MIER2: variants seen among roughly 807,000 people sequenced by gnomAD.
The protein encoded by MIER2 is mesoderm induction early response protein 2.
In MIER2, 30 loss-of-function variants were observed where a neutral mutation model predicts 67.6. The observed-to-expected ratio is 0.44, with a 90% CI of 0.33 to 0.60. MIER2 has a LOEUF of 0.60. MIER2 is among the 20% of genes least tolerant of loss of function. The pLI, the probability that MIER2 is intolerant of heterozygous loss-of-function variation, is 0.02. For synonymous variants in MIER2, 372 were observed against 312.6 expected (o/e 1.19, Z -2.00); for missense variants, 702 against 745.1 (o/e 0.94, Z 0.67).
intron 1 of MIER2, 196 bp downstream of exon 1, chr19:344,578 G>A: frequency 8.0e-6 from 1 of 125,498 alleles, no homozygotes; most frequent in Non-Finnish European, 8.7e-6. Flanking sequence ...GAGTTGGGGG[G>A]TGGGGGCCGG....
intron 3 of MIER2, among the ~76,000 whole-genome samples, chr19:331,396 A>G (rs1452703515): frequency 6.6e-6 from 1 of 151,036 alleles, no homozygotes; most frequent in Non-Finnish European, 1.5e-5. Context: ...GGTCAGGTAC[A>G]GTGGCTCACA....
chr19:320,820 C>T (rs771554987), intron 7 of MIER2, among the ~76,000 whole-genome samples: 2 of 152,390 alleles, frequency 1.3e-5, no homozygotes, highest in Non-Finnish European at 2.9e-5. Context: ...CTCACTGGAT[C>T]TGCCTTGTGG....
At chr19:320,981 C>T (rs938930229) in intron 7 of MIER2, among the ~76,000 whole-genome samples, 1 of 152,172 alleles carries the variant, frequency 6.6e-6, no homozygotes, top group African/African-American at 2.4e-5. Flanking sequence ...CACTTTAATC[C>T]GTCAAGTAGC....
chr19:308,474 TG>T lies in MIER2; in HGVS notation c.1198+102del. On this transcript the variant is annotated intron_variant, in intron 12 of 13. Coordinates refer to ENST00000264819, the MANE Select transcript of MIER2 (RefSeq NM_017550.3). This position sits in a 1 kb window ranked among gnomAD's most constrained non-coding sequence, Gnocchi z 9.1. Reference sequence around the variant, plus strand: ...AGACGCCCACTCCTCCTGGCGAGGCTGGCCCAGCACAGGGCGCCAGGCAGGA... The same window carrying T: ...AGACGCCCACTCCTCCTGGCGAGGCTGCCCAGCACAGGGCGCCAGGCAGGA... The T allele has an allele frequency of 1.6e-6, 2 of 1,255,894 alleles. No homozygotes were observed. Among genetic ancestry groups the T allele is most frequent in the African/African-American group, 3.0e-5 (2 of 66,748 alleles). The allele number at this position is 1,255,894 out of a possible 1,614,324, so 77.8% of individuals were successfully genotyped here.
At chr19:315,375 A>G (rs181791371) in intron 7 of MIER2, among the ~76,000 whole-genome samples, 65 of 151,954 alleles carry the variant, frequency 4.3e-4, no homozygotes, top group African/African-American at 1.5e-3. Flanking sequence ...CAAACAAACA[A>G]ACAAAACAAG....
intron 7 of MIER2, among the ~76,000 whole-genome samples, chr19:323,110 G>A (rs1315309825): frequency 3.3e-5 from 5 of 149,264 alleles, no homozygotes; most frequent in African/African-American, 5.0e-5. Flanking sequence ...CAGACGACTC[G>A]AATGACACAG....
chr19:317,969 C>T (rs943727706), intron 7 of MIER2, among the ~76,000 whole-genome samples: 17 of 152,176 alleles, frequency 1.1e-4, no homozygotes, highest in African/African-American at 4.1e-4. Context: ...ATTGGGAGGC[C>T]GAAGTGGGCA....
At chr19:326,154 C>T (rs1465878534) in intron 6 of MIER2, among the ~76,000 whole-genome samples, 1 of 152,168 alleles carries the variant, frequency 6.6e-6, no homozygotes, top group Admixed American at 6.5e-5. Context: ...GGAGGGATGC[C>T]AGGTTGGGGA....
At position 327,932 on chromosome 19, in the gene MIER2, G is replaced by A; in HGVS notation, c.301C>T (p.Pro101Ser). ...LALYGYEASDPISDRESEGGD... is the reference protein window; with the variant it reads ...LALYGYEASDSISDRESEGGD... ...CCCTCACTCTCCCGGTCTGAAATGG[G>A]GTCTGACGCCTCGTAGCCATAGAGC... The change falls in exon 4 of 14, where the codon CCC (proline) becomes TCC (serine). Residue 101 changes from proline to serine, a missense_variant. Physicochemically the swap from Pro to Ser is moderately conservative, Grantham distance 74. This residue lies in a region of MIER2 where 320 missense variants were observed against 292.6 expected (regional missense o/e 1.09). Coordinates refer to ENST00000264819, the MANE Select transcript of MIER2 (RefSeq NM_017550.3). 1 of 1,612,960 alleles carries A rather than the reference G, an allele frequency of 6.2e-7. No individual in the cohort carries two copies. Among genetic ancestry groups the A allele is most frequent in the South Asian group, 1.1e-5 (1 of 91,016 alleles).
At chr19:331,369 A>AG in intron 3 of MIER2, among the ~76,000 whole-genome samples, 1 of 152,028 alleles carries the variant, frequency 6.6e-6, no homozygotes, top group East Asian at 1.9e-4. Flanking sequence ...AGAAAAAAAA[A>AG]AAAAAGACAG....
At chr19:335,673 G>A (rs921015) in intron 2 of MIER2, among the ~76,000 whole-genome samples, 69,763 of 152,016 alleles carry the variant, frequency 0.46, 17,650 homozygotes, top group South Asian at 0.61. Flanking sequence ...ATGCCCACTG[G>A]GCAAGCAGCA....
intron 7 of MIER2, among the ~76,000 whole-genome samples, chr19:320,125 G>C (rs932949946): frequency 2.0e-5 from 3 of 151,962 alleles, no homozygotes; most frequent in Non-Finnish European, 4.4e-5. Flanking sequence ...GTGTAATCCC[G>C]GCACTCTGGG....
intron 7 of MIER2, among the ~76,000 whole-genome samples, chr19:319,207 C>T (rs774583021): frequency 6.8e-6 from 1 of 147,236 alleles, no homozygotes. Context: ...ACTAACAATA[C>T]AAAAATTAGC....
At chr19:320,017 G>T (rs915926484) in intron 7 of MIER2, among the ~76,000 whole-genome samples, 2 of 152,078 alleles carry the variant, frequency 1.3e-5, no homozygotes, top group Non-Finnish European at 2.9e-5. Flanking sequence ...ACTGCACCAG[G>T]GGATACACAG....
At chr19:337,750 TC>T (rs1415327652) in intron 1 of MIER2, among the ~76,000 whole-genome samples, 4 of 150,736 alleles carry the variant, frequency 2.7e-5, no homozygotes, top group Admixed American at 6.7e-5. Flanking sequence ...GTGCCTGTAA[TC>T]CCAGCTACTC....
At chr19:330,064 G>T (rs747287043) in intron 3 of MIER2, among the ~76,000 whole-genome samples, 2 of 152,130 alleles carry the variant, frequency 1.3e-5, no homozygotes, top group South Asian at 4.2e-4. Context: ...GTTCCTGGTC[G>T]TTTCACCTGA....
chr19:313,924 T>C (rs1470135045), intron 7 of MIER2, among the ~76,000 whole-genome samples: 1 of 152,142 alleles, frequency 6.6e-6, no homozygotes. Context: ...CAGGGGCGCC[T>C]GATCCAGCCA....
At chr19:344,220 C>T in intron 1 of MIER2, 1 of 985,420 alleles carries the variant, frequency 1.0e-6, no homozygotes, top group Non-Finnish European at 1.2e-6. Context: ...TCGCGCCAGG[C>T]GGGTCCGCGT....
intron 3 of MIER2, among the ~76,000 whole-genome samples, chr19:330,797 C>T (rs150282157): frequency 5.7e-4 from 87 of 152,206 alleles, no homozygotes; most frequent in African/African-American, 2.0e-3. Context: ...AGAAGAGAGC[C>T]GGCACCAGAA....
Sources: gnomAD v4.1 joint callset for allele counts (sites outside exome capture counted in the v4.1 genomes callset) on GRCh38, gnomAD v4.1.1 for gene constraint, gnomAD v4.1.1 regional missense constraint, Gnocchi (gnomAD v3.1) non-coding constraint, MANE v1.5 for transcripts, NCBI Gene and HGNC (gene_info 2026-07-23, HGNC 2026-07-21) for gene names.